GON4L: variants seen among roughly 807,000 people sequenced by gnomAD.
GON4L encodes the protein GON-4-like protein.
GON4L carries 87 observed loss-of-function variants against 211.8 expected under a neutral mutation model. The observed-to-expected ratio is 0.41, with a 90% confidence interval of 0.35 to 0.49. The LOEUF is 0.49. Ranked by LOEUF, GON4L falls within the 20% of genes least tolerant of loss-of-function variation. The pLI is 0.15. For missense variants in GON4L, 2,155 were observed against 2,659.5 expected (o/e 0.81, Z 4.17); for synonymous variants, 875 against 962.6 (o/e 0.91, Z 1.68).
intron 12 of GON4L, among the ~76,000 whole-genome samples, chr1:155,792,062 A>C (rs991328881): frequency 6.6e-6 from 1 of 152,142 alleles, no homozygotes; most frequent in Non-Finnish European, 1.5e-5. Context: ...GGAAAGTATT[A>C]ATTGAGGAGG....
intron 11 of GON4L, among the ~76,000 whole-genome samples, chr1:155,800,058 G>C (rs1004072370): frequency 2.6e-5 from 4 of 152,150 alleles, no homozygotes; most frequent in African/African-American, 9.7e-5. Flanking sequence ...AAATTAGCCA[G>C]GCGTGGTGGC....
intron 2 of GON4L, among the ~76,000 whole-genome samples, chr1:155,838,874 A>C (rs1213178865): frequency 6.6e-6 from 1 of 151,734 alleles, no homozygotes; most frequent in African/African-American, 2.4e-5. Context: ...AAAATCTTAA[A>C]ATCGTTTTGG....
Position 155,763,559 on chromosome 1 carries a change from T to C in GON4L, c.4479A>G (p.Thr1493=), listed in dbSNP as rs1662067369. The part of the protein sequence containing the change: ...SVLSVPELQE[T]MEKLTWLASE... ...ATGCCAGCCAAGTCAGTTTCTCCAT[T>C]GTTTCCTGTAAAACCCTCCAAAGAG... Residue 1493 remains threonine, a synonymous_variant, in exon 22 of 32, where the codon ACA becomes ACG. Transcript: ENST00000368331. 1 of 1,544,456 alleles carries C rather than the reference T, an allele frequency of 6.5e-7. No homozygotes were observed. The highest frequency in any genetic ancestry group is 8.7e-7 in the Non-Finnish European group (1 of 1,145,928).
Position 155,768,137 on chromosome 1 carries a change from CTACAAAAA to C in GON4L, c.2647-604_2647-597del, listed in dbSNP as rs528026451. 1.1e-3 allele frequency among the ~76,000 whole-genome samples: 167 copies of C among 151,910 alleles called. 1 individual carries two copies. Among genetic ancestry groups the C allele is most frequent in the African/African-American group, 3.9e-3 (162 of 41,426 alleles). On this transcript the variant is annotated intron_variant, in intron 19 of 31. Coordinates refer to ENST00000368331, the MANE Select transcript of GON4L (RefSeq NM_001282860.2). ...GGCCAACATGGCAAAACCCCTATTC[CTACAAAAA>C]TACAAAAATTAGCCAGGCATGGTGG... is the stretch of plus-strand genomic sequence containing the variant.
intron 28 of GON4L, chr1:155,754,096 G>T: frequency 6.7e-6 from 3 of 449,706 alleles, no homozygotes; most frequent in Non-Finnish European, 1.2e-5. Flanking sequence ...CTATTTTCAC[G>T]ACAGAGGTTT....
In GON4L at chr1:155,820,596, G is replaced by A. The variant is rs557010476; in HGVS notation, c.1014+10C>T. The A allele has an allele frequency of 4.4e-6, 7 of 1,593,548 alleles. No individual in the cohort carries two copies. In the African/African-American group the frequency reaches 6.7e-5, roughly 15 times the overall value. On this transcript the variant is annotated intron_variant, in intron 6 of 31. Transcript: ENST00000368331. ...AAAAAAAACCAACAACAAAAAAACA[G>A]AATACTTACCACTCCTTTTTCCACT...
chr1:155,755,059 C>T lies in GON4L; in HGVS notation c.5518-571G>A, dbSNP rs560356959. Among the ~76,000 whole-genome samples the T allele has an allele frequency of 3.8e-3, 573 of 150,264 alleles. 1 individual carries two copies. Among genetic ancestry groups the T allele is most frequent in the Non-Finnish European group, 5.2e-3 (350 of 67,512 alleles). The stretch of plus-strand genomic sequence containing the variant: ...GTAGCTGGGACTGCGCACCACCACG[C>T]CTAGCTAATTTTTTTTTTTTTTTTT... On this transcript the variant is annotated intron_variant, in intron 27 of 31. Transcript: ENST00000368331.
chr1:155,851,937 C>A (rs889349319), intron 2 of GON4L, among the ~76,000 whole-genome samples: 1 of 151,324 alleles, frequency 6.6e-6, no homozygotes, highest in Non-Finnish European at 1.5e-5. Flanking sequence ...GGCCAAGGTA[C>A]GTGGATCACC....
chr1:155,805,152 G>C lies in GON4L; in HGVS notation c.1453-11C>G. On this transcript the variant is annotated splice_polypyrimidine_tract_variant and intron_variant, in intron 10 of 31. Coordinates refer to ENST00000368331, the MANE Select transcript of GON4L (RefSeq NM_001282860.2). ...ACTGTCATCCATGGGCTGGACAATG[G>C]AGAAAGAAAAGTCACTGAGTGAGTG... 2 of 1,603,124 alleles carry C rather than the reference G, an allele frequency of 1.2e-6. No individual in the cohort carries two copies. The highest frequency in any genetic ancestry group is 1.7e-6 in the Non-Finnish European group (2 of 1,170,104).
At chr1:155,823,861 C>T (rs1668938975) in intron 3 of GON4L, among the ~76,000 whole-genome samples, 1 of 152,092 alleles carries the variant, frequency 6.6e-6, no homozygotes, top group South Asian at 2.1e-4. Flanking sequence ...CCACTGCACT[C>T]AAGCCTGGGC....
intron 9 of GON4L, 104 bp downstream of exon 9, chr1:155,814,226 G>T: frequency 8.9e-7 from 1 of 1,128,602 alleles, no homozygotes; most frequent in South Asian, 1.2e-5. Flanking sequence ...CTTTGAAAAA[G>T]GGTGACAGCC....
chr1:155,834,104 G>A (rs1488386214), intron 2 of GON4L, among the ~76,000 whole-genome samples: 1 of 152,104 alleles, frequency 6.6e-6, no homozygotes, highest in East Asian at 1.9e-4. Context: ...GATTACAGGT[G>A]TGAGCCACTG....
At chr1:155,771,544 C>T (rs551956690) in intron 18 of GON4L, among the ~76,000 whole-genome samples, 11 of 152,198 alleles carry the variant, frequency 7.2e-5, no homozygotes, top group African/African-American at 2.4e-4. Context: ...ATGATTACAG[C>T]GCACTGCAGC....
intron 2 of GON4L, among the ~76,000 whole-genome samples, chr1:155,830,006 G>A (rs1160778335): frequency 5.3e-5 from 8 of 151,430 alleles, no homozygotes; most frequent in Non-Finnish European, 8.8e-5. Context: ...GCTGGAGTAC[G>A]GTGGCATGAT....
chr1:155,815,598 T>A (rs1668167435), intron 8 of GON4L, among the ~76,000 whole-genome samples: 1 of 152,282 alleles, frequency 6.6e-6, no homozygotes, highest in African/African-American at 2.4e-5. Flanking sequence ...GCTATACATT[T>A]TTATTCTATG....
At chr1:155,794,052 G>C (rs1395367657) in intron 12 of GON4L, among the ~76,000 whole-genome samples, 1 of 151,748 alleles carries the variant, frequency 6.6e-6, no homozygotes, top group Non-Finnish European at 1.5e-5. Context: ...ATCCAAATCA[G>C]TTCCTACTGA....
At chr1:155,769,564 GA>G (rs1662958219) in intron 19 of GON4L, among the ~76,000 whole-genome samples, 1 of 152,102 alleles carries the variant, frequency 6.6e-6, no homozygotes, top group South Asian at 2.1e-4. Context: ...CAGACACGCT[GA>G]AAGGAGATTA....
chr1:155,787,517 A>G (rs183585518), intron 12 of GON4L, among the ~76,000 whole-genome samples: 2 of 152,348 alleles, frequency 1.3e-5, no homozygotes, highest in Admixed American at 1.3e-4. Context: ...TTACGCCTGT[A>G]ATTCCAGCAC....
At chr1:155,845,112 T>G (rs1671103197) in intron 2 of GON4L, among the ~76,000 whole-genome samples, 1 of 152,002 alleles carries the variant, frequency 6.6e-6, no homozygotes. Flanking sequence ...ATAATCTCTG[T>G]GGGGGGAGTG....
Sources: gnomAD v4.1 joint callset for allele counts (sites outside exome capture counted in the v4.1 genomes callset) on GRCh38, gnomAD v4.1.1 for gene constraint, MANE v1.5 for transcripts, NCBI Gene and HGNC (gene_info 2026-07-23, HGNC 2026-07-21) for gene names.